Variants in RNF182 observed in about 807,000 individuals in gnomAD.
RNF182 encodes ring finger protein 182.
Under a neutral mutation model 14.4 loss-of-function variants are expected in RNF182, and 15 were observed. The ratio of observed to expected loss-of-function variants is 1.04; its 90% CI spans 0.70 to 1.60. The LOEUF (loss-of-function observed/expected upper bound fraction) is 1.60, where lower values mean the gene tolerates loss of function less well. Among genes scored for constraint, RNF182 ranks in the 40% most tolerant of loss-of-function variants. The pLI is 0.00. For missense variants in RNF182, 268 were observed against 294.8 expected, an observed-to-expected ratio of 0.91 and a Z score of 0.67; for synonymous variants, 128 against 122.9, an observed-to-expected ratio of 1.04 and a Z score of -0.27.
intron 1 of RNF182, among the ~76,000 whole-genome samples, chr6:13,951,145 A>G (rs1174190803): frequency 2.6e-5 from 4 of 152,230 alleles, no homozygotes; most frequent in Non-Finnish European, 5.9e-5. Context: ...ATATGTAAAC[A>G]TCACACACAC....
intron 1 of RNF182, among the ~76,000 whole-genome samples, chr6:13,928,892 G>T (rs573992434): frequency 2.7e-4 from 41 of 152,042 alleles, no homozygotes; most frequent in African/African-American, 9.4e-4. Context: ...GGAGGGCAGG[G>T]TCAGGGAGTC....
chr6:13,968,014 A>G (rs1010160269), intron 1 of RNF182, among the ~76,000 whole-genome samples: 5 of 152,222 alleles, frequency 3.3e-5, no homozygotes, highest in Non-Finnish European at 7.3e-5. Flanking sequence ...TTCAGTATTT[A>G]AGCATAAAGA....
chr6:13,941,251 A>G (rs1480877788), intron 1 of RNF182, among the ~76,000 whole-genome samples: 2 of 152,108 alleles, frequency 1.3e-5, no homozygotes, highest in African/African-American at 4.8e-5. Context: ...TATTGGATAT[A>G]TACAAACTTA....
rs537996838 is a variant in RNF182 at position 13,942,767 on chromosome 6, C to T, written c.-367+17744C>T. ...TCTTTCACCCTGTTCTATTTGACTC[C>T]TAAACTCTTTTTCCTATTTTCCATT... is the stretch of plus-strand genomic sequence containing the variant. On this transcript the variant is annotated intron_variant, in intron 1 of 2. Coordinates refer to ENST00000488300, the MANE Select transcript of RNF182 (RefSeq NM_152737.4). Among the ~76,000 whole-genome samples the T allele has an allele frequency of 3.9e-5, 6 of 152,300 alleles. No individual in the cohort carries two copies. In the East Asian group the frequency reaches 9.6e-4, roughly 24 times the overall value.
In RNF182 at chr6:13,951,793, G is replaced by A. The variant is rs192382685; in HGVS notation, c.-366-22417G>A. ...AAAGAAAATCATCTTTTTCCATTTC[G>A]TGGACCCATAGGCAAAGACTCTCAG... On this transcript the variant is annotated intron_variant, in intron 1 of 2. Coordinates refer to ENST00000488300, the MANE Select transcript of RNF182 (RefSeq NM_152737.4). 1.1e-4 allele frequency among the ~76,000 whole-genome samples: 16 copies of A among 152,160 alleles called. No homozygotes were observed. In the South Asian group the frequency reaches 1.7e-3, roughly 16 times the overall value.
At chr6:13,959,860 C>G (rs899435449) in intron 1 of RNF182, among the ~76,000 whole-genome samples, 5 of 152,080 alleles carry the variant, frequency 3.3e-5, no homozygotes, top group African/African-American at 9.7e-5. Context: ...CTCTGGAACT[C>G]AGAGGGAAGG....
At chr6:13,933,794 G>C (rs1188848831) in intron 1 of RNF182, among the ~76,000 whole-genome samples, 1 of 152,164 alleles carries the variant, frequency 6.6e-6, no homozygotes, top group Non-Finnish European at 1.5e-5. Context: ...GAGGTGGACA[G>C]GTCACCTGAG....
intron 1 of RNF182, among the ~76,000 whole-genome samples, chr6:13,970,031 T>C (rs1398855785): frequency 6.6e-6 from 1 of 152,172 alleles, no homozygotes; most frequent in East Asian, 1.9e-4. Flanking sequence ...CTTTTGTTAA[T>C]ATATAATAAT....
At chr6:13,960,642 GGA>G (rs1197824756) in intron 1 of RNF182, among the ~76,000 whole-genome samples, 1 of 135,262 alleles carries the variant, frequency 7.4e-6, no homozygotes, top group Non-Finnish European at 1.6e-5. Context: ...CTTTTTTGAT[GGA>G]GGGAGAGAGA....
In RNF182 at chr6:13,938,133, G is replaced by A. The variant is rs531882368; in HGVS notation, c.-367+13110G>A. Among the ~76,000 whole-genome samples, 4 of 144,782 alleles carry A rather than the reference G, an allele frequency of 2.8e-5. No individual in the cohort carries two copies. In the South Asian group the frequency reaches 9.0e-4, roughly 33 times the overall value. The allele number at this position is 144,782 out of a possible 152,430, so 95.0% of individuals were successfully genotyped here. A position where few individuals can be genotyped will look rare whatever the true frequency, so the allele number is the denominator to read the frequency against. ...CTCCTGCCTCGGTCTCTGCGTAACT[G>A]GGACTACAGGCGCCCGCCACCATGC... On this transcript the variant is annotated intron_variant, in intron 1 of 2. Coordinates refer to ENST00000488300, the MANE Select transcript of RNF182 (RefSeq NM_152737.4).
intron 1 of RNF182, among the ~76,000 whole-genome samples, chr6:13,973,279 A>C (rs1337042399): frequency 6.6e-6 from 1 of 152,234 alleles, no homozygotes; most frequent in Admixed American, 6.5e-5. Flanking sequence ...GCTCATAGGC[A>C]GATGGGACTT....
chr6:13,932,049 C>T (rs1379724448), intron 1 of RNF182, among the ~76,000 whole-genome samples: 1 of 152,216 alleles, frequency 6.6e-6, no homozygotes, highest in East Asian at 1.9e-4. Flanking sequence ...TAATCTTGGA[C>T]TTCCCAGTTC....
intron 1 of RNF182, among the ~76,000 whole-genome samples, chr6:13,970,484 T>C (rs1360857675): frequency 6.6e-6 from 1 of 152,200 alleles, no homozygotes; most frequent in Non-Finnish European, 1.5e-5. Flanking sequence ...TATCCATTCC[T>C]CTGTTGATGG....
chr6:13,940,163 T>C (rs1347063068), intron 1 of RNF182, among the ~76,000 whole-genome samples: 1 of 152,238 alleles, frequency 6.6e-6, no homozygotes, highest in Non-Finnish European at 1.5e-5. Flanking sequence ...GAAACCTTTT[T>C]ATCGATTAAG....
intron 1 of RNF182, among the ~76,000 whole-genome samples, chr6:13,940,249 T>A (rs1759259616): frequency 6.6e-6 from 1 of 152,214 alleles, no homozygotes; most frequent in Admixed American, 6.5e-5. Context: ...TTTTCCGCAT[T>A]TATCGAGATG....
chr6:13,973,752 T>C (rs1017097192), intron 1 of RNF182, among the ~76,000 whole-genome samples: 1 of 152,194 alleles, frequency 6.6e-6, no homozygotes, highest in African/African-American at 2.4e-5. Flanking sequence ...TACTCAGTCT[T>C]GGGTATGTCT....
rs1447041563 is a variant in RNF182, at chr6:13,978,864, A to C, written c.*1001A>C. The C allele has an allele frequency of 6.0e-6, 1 of 167,108 alleles. No homozygotes were observed. Among genetic ancestry groups the C allele is most frequent in the Non-Finnish European group, 1.5e-5 (1 of 68,114 alleles). The allele number at this position is 167,108 out of a possible 1,614,324, so 10.4% of individuals were successfully genotyped here. A position where few individuals can be genotyped will look rare whatever the true frequency, so the allele number is the denominator to read the frequency against. On this transcript the variant is annotated 3_prime_UTR_variant, in exon 3 of 3. Coordinates refer to ENST00000488300, the MANE Select transcript of RNF182 (RefSeq NM_152737.4). Reference sequence around the variant, plus strand: ...GTGGCAATGAAAACCAGAAACAGTTAATGAGATGCTTCAGCTCACAGTTTG... The same window carrying C: ...GTGGCAATGAAAACCAGAAACAGTTCATGAGATGCTTCAGCTCACAGTTTG...
At chr6:13,970,928 T>C (rs1022972278) in intron 1 of RNF182, among the ~76,000 whole-genome samples, 3 of 152,204 alleles carry the variant, frequency 2.0e-5, no homozygotes, top group African/African-American at 7.2e-5. Flanking sequence ...TTTCGTTTTC[T>C]ATTTCCTTTC....
At chr6:13,960,542 A>G (rs1759842437) in intron 1 of RNF182, among the ~76,000 whole-genome samples, 1 of 152,206 alleles carries the variant, frequency 6.6e-6, no homozygotes, top group Non-Finnish European at 1.5e-5. Flanking sequence ...TGAATTCTAT[A>G]GCAGTTGAAG....
Sources: allele counts gnomAD v4.1 joint callset (sites outside exome capture counted in the v4.1 genomes callset), GRCh38; gene constraint gnomAD v4.1.1; transcripts MANE v1.5; gene names NCBI Gene and HGNC (gene_info 2026-07-23, HGNC 2026-07-21).